The following NFIB variants were observed in gnomAD, a reference collection of about 807,000 sequenced individuals.
NFIB encodes the protein nuclear factor 1 B-type.
Under a neutral mutation model 61.5 loss-of-function variants are expected in NFIB, and 11 were observed. The observed-to-expected ratio is 0.18, with a 90% confidence interval of 0.11 to 0.30. The LOEUF (loss-of-function observed/expected upper bound fraction) is 0.30, where lower values mean the gene tolerates loss of function less well. NFIB is among the 10% of genes least tolerant of loss of function. NFIB has a pLI of 1.00. For synonymous variants in NFIB, 260 were observed against 216.5 expected (o/e 1.20, Z -1.76); for missense variants, 471 against 608.9 (o/e 0.77, Z 2.38).
chr9:14,149,413 T>C (rs943020800), intron 5 of NFIB, among the ~76,000 whole-genome samples: 43 of 152,238 alleles, frequency 2.8e-4, no homozygotes, highest in African/African-American at 1.0e-3. Context: ...ATATATTTAA[T>C]GCTCTAGGAA....
intron 2 of NFIB, among the ~76,000 whole-genome samples, chr9:14,184,885 C>T (rs941945590): frequency 4.6e-5 from 7 of 151,880 alleles, no homozygotes; most frequent in Admixed American, 3.3e-4. Flanking sequence ...TAGCCAGGTG[C>T]GGTGGCACAC....
At chr9:14,228,443 G>T (rs900035639) in intron 2 of NFIB, among the ~76,000 whole-genome samples, 1 of 151,908 alleles carries the variant, frequency 6.6e-6, no homozygotes, top group Admixed American at 6.6e-5. Flanking sequence ...TCATCTACCC[G>T]CCTCAGCCTC....
At chr9:14,518,197 A>C in the NFIB span, among the ~76,000 whole-genome samples, 3 of 152,362 alleles carry the variant, frequency 2.0e-5, no homozygotes, top group South Asian at 6.2e-4. Flanking sequence ...CAAGGTCATC[A>C]TAAAGATATT....
intron 2 of NFIB, among the ~76,000 whole-genome samples, chr9:14,225,456 C>CAAAAAAAAAAAAAAAAAAAA (rs1228589594): frequency 6.9e-5 from 4 of 58,012 alleles, no homozygotes; most frequent in East Asian, 5.9e-4. Flanking sequence ...GACTCCGTCT[C>CAAAAAAAAAAAAAAAAAAAA]AAAAAAAAAA....
At chr9:14,251,999 T>C (rs1283655231) in intron 2 of NFIB, among the ~76,000 whole-genome samples, 1 of 152,222 alleles carries the variant, frequency 6.6e-6, no homozygotes, top group Non-Finnish European at 1.5e-5. Context: ...AGACATTAAT[T>C]AATTTTTACA....
At chr9:14,442,580 G>A in the NFIB span, among the ~76,000 whole-genome samples, 1 of 152,102 alleles carries the variant, frequency 6.6e-6, no homozygotes. Context: ...ATCTGTCCCA[G>A]GCCTCTCCCC....
At chr9:14,215,650 C>T (rs1332796503) in intron 2 of NFIB, among the ~76,000 whole-genome samples, 1 of 152,102 alleles carries the variant, frequency 6.6e-6, no homozygotes, top group Non-Finnish European at 1.5e-5. Context: ...GATAAAGATG[C>T]CCCATTTGTT....
intron 2 of NFIB, among the ~76,000 whole-genome samples, chr9:14,246,492 C>T (rs531364962): frequency 3.3e-5 from 5 of 152,208 alleles, no homozygotes; most frequent in African/African-American, 9.6e-5. Flanking sequence ...ATCAACCCTG[C>T]ATTGTGTCCT....
intron 1 of NFIB, among the ~76,000 whole-genome samples, chr9:14,382,427 T>G (rs1349167349): frequency 2.5e-4 from 38 of 152,232 alleles, no homozygotes; most frequent in Admixed American, 2.5e-3. Flanking sequence ...AGATGACCGA[T>G]CCACTCTTCC....
At chr9:14,302,313 G>A (rs2059791715) in intron 2 of NFIB, among the ~76,000 whole-genome samples, 1 of 152,180 alleles carries the variant, frequency 6.6e-6, no homozygotes. Flanking sequence ...CCTCACTAAT[G>A]ATATGTGACA....
chr9:14,515,271 A>G, the NFIB span, among the ~76,000 whole-genome samples: 2 of 152,138 alleles, frequency 1.3e-5, no homozygotes, highest in South Asian at 4.1e-4. Flanking sequence ...AGTGGGTTGC[A>G]AAGTGGAGAA....
At chr9:14,409,621 A>G in the NFIB span, among the ~76,000 whole-genome samples, 2 of 152,216 alleles carry the variant, frequency 1.3e-5, no homozygotes, top group African/African-American at 4.8e-5. Flanking sequence ...CCACTAGAAT[A>G]CTGTCTATGA....
chr9:14,399,171 T>G (rs556341044), upstream of NFIB, among the ~76,000 whole-genome samples: 3 of 152,236 alleles, frequency 2.0e-5, no homozygotes, highest in Non-Finnish European at 4.4e-5. Flanking sequence ...ATATATGTTG[T>G]TGGAATTAAT....
At chr9:14,304,792 T>C (rs1160939120) in intron 2 of NFIB, among the ~76,000 whole-genome samples, 2 of 152,244 alleles carry the variant, frequency 1.3e-5, no homozygotes, top group African/African-American at 4.8e-5. Context: ...GAGAATTATC[T>C]TTTAAAATCT....
chr9:14,404,317 A>T, the NFIB span, among the ~76,000 whole-genome samples: 1 of 152,172 alleles, frequency 6.6e-6, no homozygotes, highest in African/African-American at 2.4e-5. Flanking sequence ...TTATTGAGTG[A>T]CTACCAAGTA....
chr9:14,378,544 A>T (rs986398774), intron 1 of NFIB, among the ~76,000 whole-genome samples: 1 of 152,134 alleles, frequency 6.6e-6, no homozygotes, highest in African/African-American at 2.4e-5. Flanking sequence ...TTTAGTAGAG[A>T]CGGGGTTTCA....
chr9:14,147,859 G>A (rs1480204102), intron 5 of NFIB, among the ~76,000 whole-genome samples: 1 of 151,720 alleles, frequency 6.6e-6, no homozygotes, highest in Non-Finnish European at 1.5e-5. Context: ...CCTGGCTGGT[G>A]TTGAATTCCT....
intron 2 of NFIB, among the ~76,000 whole-genome samples, chr9:14,228,182 A>G (rs908150824): frequency 1.3e-5 from 2 of 148,788 alleles, no homozygotes; most frequent in African/African-American, 4.9e-5. Flanking sequence ...TATTGAAATA[A>G]TAAACTTTAT....
chr9:14,372,810 G>C (rs1410030842), intron 1 of NFIB, among the ~76,000 whole-genome samples: 1 of 152,162 alleles, frequency 6.6e-6, no homozygotes, highest in African/African-American at 2.4e-5. Flanking sequence ...TGTAATTCTT[G>C]ATGTCCTGTG....
Sources: allele counts gnomAD v4.1 joint callset (sites outside exome capture counted in the v4.1 genomes callset), GRCh38; gene constraint gnomAD v4.1.1; transcripts MANE v1.5; gene names NCBI Gene and HGNC (gene_info 2026-07-23, HGNC 2026-07-21).